OLFM3: variants seen among roughly 807,000 people sequenced by gnomAD.
OLFM3 encodes olfactomedin 3.
In OLFM3, 20 loss-of-function variants were observed where a neutral mutation model predicts 48.6. The ratio of observed to expected loss-of-function variants is 0.41; its 90% confidence interval spans 0.29 to 0.60. The LOEUF (loss-of-function observed/expected upper bound fraction) is 0.60, where lower values mean the gene tolerates loss of function less well. OLFM3 is among the 20% of genes least tolerant of loss of function. The pLI is 0.28. For missense variants in OLFM3, 437 were observed against 544.3 expected (o/e 0.80, Z 1.96); for synonymous variants, 222 against 198.1 (o/e 1.12, Z -1.01).
In OLFM3 at chr1:101,804,848, A is replaced by G. The variant is rs1435539570; in HGVS notation, c.767T>C (p.Val256Ala). 2 of 1,612,318 alleles carry G rather than the reference A, an allele frequency of 1.2e-6. No homozygotes were observed. The highest frequency in any genetic ancestry group is 1.7e-6 in the Non-Finnish European group (2 of 1,178,996). Residue 256 changes from valine to alanine, a missense_variant, in exon 6 of 6, where the codon GTC becomes GCC. Val to Ala is a moderately conservative substitution (Grantham distance 64). This residue lies in a region of OLFM3 where 314 missense variants were observed against 365.5 expected (regional missense o/e 0.86). Transcript: ENST00000370103. This position sits in a 1 kb window ranked among gnomAD's most constrained non-coding sequence, Gnocchi z 4.5. ...GTATGTCCTTGATTCAGCCCCACTGACAAAGTCTGCAATTGATTTGTATTC... is the reference window on the plus strand; with the variant it reads ...GTATGTCCTTGATTCAGCCCCACTGGCAAAGTCTGCAATTGATTTGTATTC... ...VREYKSIADF[V>A]SGAESRTYNL...
intron 1 of OLFM3, 109 bp downstream of exon 1, chr1:101,996,639 C>A (rs150031664): frequency 9.1e-6 from 10 of 1,095,284 alleles, no homozygotes; most frequent in Admixed American, 1.8e-5. Context: ...CATAAGGTAG[C>A]TGAAAGAGCT....
chr1:101,973,274 A>G (rs1200227517), intron 1 of OLFM3, among the ~76,000 whole-genome samples: 4 of 152,202 alleles, frequency 2.6e-5, no homozygotes, highest in Non-Finnish European at 5.9e-5. Context: ...TGGTGTAACC[A>G]TGGAGGCCAA....
At chr1:101,972,160 TTTGTGAAAGTAA>T (rs1660822000) in intron 1 of OLFM3, among the ~76,000 whole-genome samples, 1 of 152,194 alleles carries the variant, frequency 6.6e-6, no homozygotes, top group Non-Finnish European at 1.5e-5. Context: ...TTCATCTTCC[TTTGTGAAAGTAA>T]TGATAATGTG....
intron 1 of OLFM3, among the ~76,000 whole-genome samples, chr1:101,935,429 A>T (rs1659582035): frequency 6.6e-6 from 1 of 152,120 alleles, no homozygotes; most frequent in Admixed American, 6.5e-5. Flanking sequence ...AATCAGGAAG[A>T]AATTGAATCC....
rs547304458 is a variant in OLFM3 at position 101,832,256 on chromosome 1, T to C, written c.217-1429A>G. ...TATAATCAGTAAAAAGTTATTTTCA[T>C]TGAAAACATGTGATTTACAAAGGGA... is the stretch of plus-strand genomic sequence containing the variant. On this transcript the variant is annotated intron_variant, in intron 2 of 5. Transcript: ENST00000370103. 1.8e-4 allele frequency among the ~76,000 whole-genome samples: 27 copies of C among 152,356 alleles called. No homozygotes were observed. The South Asian group carries it at 5.6e-3, about 32-fold the overall frequency.
At chr1:101,885,502 T>A (rs992387871) in intron 1 of OLFM3, among the ~76,000 whole-genome samples, 6 of 152,050 alleles carry the variant, frequency 3.9e-5, no homozygotes, top group Non-Finnish European at 7.4e-5. Context: ...GGAGAGTGCC[T>A]GCCTCTCCTT....
In OLFM3 at chr1:101,928,169, C is replaced by A. The variant is rs534043433; in HGVS notation, c.69+68579G>T. Among the ~76,000 whole-genome samples, 22 of 152,188 alleles carry A rather than the reference C, an allele frequency of 1.4e-4. No individual in the cohort carries two copies. In the East Asian group the frequency reaches 3.9e-3, roughly 27 times the overall value. On this transcript the variant is annotated intron_variant, in intron 1 of 5. Coordinates refer to ENST00000370103, the MANE Select transcript of OLFM3 (RefSeq NM_058170.4). The stretch of plus-strand genomic sequence containing the variant: ...TCTTTAGAGACCACATGAAATCTTT[C>A]TTCATATGGGAACATTTGCATTGTT...
intron 1 of OLFM3, among the ~76,000 whole-genome samples, chr1:101,852,500 A>G (rs924863635): frequency 6.6e-5 from 10 of 152,190 alleles, no homozygotes; most frequent in African/African-American, 2.2e-4. Flanking sequence ...TCTTAGTGTC[A>G]TTTGCTGATT....
intron 1 of OLFM3, among the ~76,000 whole-genome samples, chr1:101,872,901 GA>G (rs35722787): frequency 0.47 from 71,828 of 151,332 alleles, 17,752 homozygotes; most frequent in Non-Finnish European, 0.56. Flanking sequence ...TTAGTTTTAG[GA>G]AAAAAAGGTA....
intron 1 of OLFM3, among the ~76,000 whole-genome samples, chr1:101,890,146 A>C (rs1657933368): frequency 6.6e-6 from 1 of 152,076 alleles, no homozygotes; most frequent in South Asian, 2.1e-4. Flanking sequence ...TGATCTTGGA[A>C]AATGATATTG....
chr1:101,846,976 C>T (rs966577730), intron 1 of OLFM3: 2 of 1,610,052 alleles, frequency 1.2e-6, no homozygotes, highest in Non-Finnish European at 1.7e-6. Context: ...GGACTCATTG[C>T]TGTGGAGCTA....
At chr1:101,878,785 G>C (rs1004664881) in intron 1 of OLFM3, among the ~76,000 whole-genome samples, 2 of 151,918 alleles carry the variant, frequency 1.3e-5, no homozygotes, top group African/African-American at 4.8e-5. Context: ...CACAGTCCTT[G>C]AAAACTAATG....
intron 1 of OLFM3, among the ~76,000 whole-genome samples, chr1:101,951,317 T>C (rs1476216803): frequency 6.6e-6 from 1 of 152,252 alleles, no homozygotes; most frequent in East Asian, 1.9e-4. Flanking sequence ...TATGTTGTGG[T>C]ATACAAAGGA....
chr1:101,819,307 C>A (rs1480019975), intron 4 of OLFM3, among the ~76,000 whole-genome samples: 1 of 152,096 alleles, frequency 6.6e-6, no homozygotes. Flanking sequence ...CCTGGAGAAT[C>A]AGGCAGAGCC....
At chr1:101,841,054 C>A (rs1012959628) in intron 1 of OLFM3, among the ~76,000 whole-genome samples, 4 of 152,140 alleles carry the variant, frequency 2.6e-5, no homozygotes, top group African/African-American at 9.7e-5. Flanking sequence ...TATTACAAAT[C>A]TGGATTATTT....
At chr1:101,807,698 TGAATC>T (rs1232798099) in intron 4 of OLFM3, among the ~76,000 whole-genome samples, 1 of 151,820 alleles carries the variant, frequency 6.6e-6, no homozygotes, top group Non-Finnish European at 1.5e-5. Context: ...TCATAAAACT[TGAATC>T]GAATATATTT....
At chr1:101,902,540 A>G (rs1463811527) in intron 1 of OLFM3, among the ~76,000 whole-genome samples, 1 of 152,092 alleles carries the variant, frequency 6.6e-6, no homozygotes, top group Non-Finnish European at 1.5e-5. Flanking sequence ...GAAATTTAGA[A>G]TAATCAAGGG....
At chr1:101,840,558 C>T (rs1655669802) in intron 1 of OLFM3, among the ~76,000 whole-genome samples, 1 of 151,514 alleles carries the variant, frequency 6.6e-6, no homozygotes, top group Non-Finnish European at 1.5e-5. Context: ...GCAACCACTG[C>T]CTCCTGAGTT....
At chr1:101,838,343 A>G (rs574430093) in intron 1 of OLFM3, among the ~76,000 whole-genome samples, 1 of 151,836 alleles carries the variant, frequency 6.6e-6, no homozygotes, top group Non-Finnish European at 1.5e-5. Flanking sequence ...ACAGGCATGA[A>G]CCACTGCAAC....
Sources: allele counts gnomAD v4.1 joint callset (sites outside exome capture counted in the v4.1 genomes callset), GRCh38; gene constraint gnomAD v4.1.1; regional missense constraint gnomAD v4.1.1; non-coding constraint Gnocchi (gnomAD v3.1); transcripts MANE v1.5; gene names NCBI Gene and HGNC (gene_info 2026-07-23, HGNC 2026-07-21).